The following ITPRID2 variants were observed in gnomAD, a reference collection of about 807,000 sequenced individuals.
The protein encoded by ITPRID2 is protein ITPRID2.
Under a neutral mutation model 124.3 loss-of-function variants are expected in ITPRID2, and 60 were observed. The observed-to-expected ratio is 0.48, with a 90% CI of 0.39 to 0.60. The LOEUF (loss-of-function observed/expected upper bound fraction) is 0.60, where lower values mean the gene tolerates loss of function less well. Ranked by LOEUF, ITPRID2 falls within the 20% of genes least tolerant of loss-of-function variation. The pLI, the probability that ITPRID2 is intolerant of heterozygous loss-of-function variation, is 0.00. For synonymous variants in ITPRID2, 521 were observed against 542.9 expected, an observed-to-expected ratio of 0.96 and a Z score of 0.56; for missense variants, 1,553 against 1,512.2, an observed-to-expected ratio of 1.03 and a Z score of -0.45.
At position 181,896,844 on chromosome 2, in the gene ITPRID2, G is replaced by T. The variant is rs371399357; in HGVS notation, c.308-64G>T. ...TTGCTGGGTGAATTTAACTAAAACA[G>T]TGATTTTATATGAGGGTGGAGAGGA... is the stretch of plus-strand genomic sequence containing the variant. On this transcript the variant is annotated intron_variant, in intron 3 of 17. Transcript: ENST00000431877. The surrounding 1 kb of genome is among the most constrained non-coding windows in gnomAD (Gnocchi z 4.3). 3.1e-6 allele frequency: 4 copies of T among 1,294,696 alleles called. No individual in the cohort carries two copies. Among genetic ancestry groups the T allele is most frequent in the Non-Finnish European group, 4.5e-6 (4 of 897,270 alleles). The allele number at this position is 1,294,696 out of a possible 1,614,324, so 80.2% of individuals were successfully genotyped here.
chr2:181,922,535 T>C, intron 16 of ITPRID2, 123 bp downstream of exon 16: 2 of 978,580 alleles, frequency 2.0e-6, no homozygotes, highest in South Asian at 1.9e-5. Flanking sequence ...TTCACAGAGC[T>C]TTTAAATTAG....
chr2:181,893,343 T>C (rs924497286), intron 2 of ITPRID2: 1 of 152,250 alleles, frequency 6.6e-6, no homozygotes, highest in Non-Finnish European at 1.5e-5. Context: ...TTGTTTCTTA[T>C]TCCACTTTGC....
At chr2:181,917,428 T>C (rs902287963) in intron 11 of ITPRID2, 1 of 152,174 alleles carries the variant, frequency 6.6e-6, no homozygotes, top group Non-Finnish European at 1.5e-5. Context: ...AGAATGTGGG[T>C]GTTTCTTATT....
In ITPRID2 at chr2:181,892,641, A is replaced by T. The variant is rs1296920630; in HGVS notation, c.238A>T (p.Ile80Leu). ...AAACGTGCCCAACGAGAAGATCGCG[A>T]TATGGCTCAAGGACTGCCGGTGAGT... Reference protein sequence around the residue: ...RGNVPNEKIAIWLKDCRTPLG... With the variant: ...RGNVPNEKIALWLKDCRTPLG... Residue 80 changes from isoleucine to leucine, a missense_variant, in exon 2 of 18, where the codon ATA becomes TTA. Coordinates refer to ENST00000431877, the MANE Select transcript of ITPRID2 (RefSeq NM_001130445.3). This position sits in a 1 kb window ranked among gnomAD's most constrained non-coding sequence, Gnocchi z 5.2. 6.2e-7 allele frequency: 1 copy of T among 1,614,016 alleles called. No individual in the cohort carries two copies. The highest frequency in any genetic ancestry group is 2.2e-5 in the East Asian group (1 of 44,848).
intron 11 of ITPRID2, chr2:181,918,392 A>T: frequency 7.4e-7 from 1 of 1,342,752 alleles, no homozygotes; most frequent in Non-Finnish European, 9.5e-7. Flanking sequence ...TCCCACGTAG[A>T]TTGACTTATA....
Position 181,896,183 on chromosome 2 carries a change from T to G in ITPRID2, c.307+104T>G. The G allele has an allele frequency of 2.9e-6, 3 of 1,027,630 alleles. No individual in the cohort carries two copies. The allele number at this position is 1,027,630 out of a possible 1,614,324, so 63.7% of individuals were successfully genotyped here. On this transcript the variant is annotated intron_variant, in intron 3 of 17. Transcript: ENST00000431877. This position sits in a 1 kb window ranked among gnomAD's most constrained non-coding sequence, Gnocchi z 4.3. ...GACTTATAAAAGTGATATTCATGTT[T>G]ATAGTATATGCTATTCTGAGCTAGA...
chr2:181,928,828 G>T lies in ITPRID2; in HGVS notation c.*13+550G>T, dbSNP rs566574775. The stretch of plus-strand genomic sequence containing the variant: ...TTTTTAGTAGAGACGGGGTTTCACC[G>T]TTTTAGCCGGGATGGTCTCGATCTC... On this transcript the variant is annotated intron_variant, in intron 17 of 17. Coordinates refer to ENST00000431877, the MANE Select transcript of ITPRID2 (RefSeq NM_001130445.3). Among the ~76,000 whole-genome samples the T allele has an allele frequency of 4.6e-5, 7 of 151,892 alleles. 1 individual carries two copies. The South Asian group carries it at 1.5e-3, about 32-fold the overall frequency.
intron 14 of ITPRID2, 56 bp from the exon 15 acceptor site, chr2:181,920,541 C>T (rs528431401): frequency 2.6e-6 from 3 of 1,164,292 alleles, no homozygotes; most frequent in East Asian, 4.9e-5. Context: ...ATTATATATG[C>T]ATGTATGTAT....
At chr2:181,925,711 G>C (rs1436389052) in intron 16 of ITPRID2, among the ~76,000 whole-genome samples, 1 of 152,136 alleles carries the variant, frequency 6.6e-6, no homozygotes, top group Admixed American at 6.5e-5. Flanking sequence ...CCTTCCATCT[G>C]ACCTCACCCT....
rs1186279263 is a variant in ITPRID2 at position 181,892,048 on chromosome 2, CG to C, written c.-17del. Reference sequence around the variant, plus strand: ...CTCGCGCAGGGTCCGGCTGGGGTAGCGGAGCCCCCAGTGCGGCCATGGACCG... The same window carrying C: ...CTCGCGCAGGGTCCGGCTGGGGTAGCGAGCCCCCAGTGCGGCCATGGACCG... On this transcript the variant is annotated 5_prime_UTR_variant, in exon 1 of 18. Coordinates refer to ENST00000431877, the MANE Select transcript of ITPRID2 (RefSeq NM_001130445.3). The surrounding 1 kb of genome is among the most constrained non-coding windows in gnomAD (Gnocchi z 5.2). 8 of 1,546,854 alleles carry C rather than the reference CG, an allele frequency of 5.2e-6. No homozygotes were observed. The highest frequency in any genetic ancestry group is 2.0e-5 in the Admixed American group (1 of 50,958).
chr2:181,915,317 A>G lies in ITPRID2; in HGVS notation c.1677A>G (p.Gln559=). The change falls in exon 11 of 18, where the codon CAA becomes CAG. Residue 559 remains glutamine (Q), a synonymous_variant. Coordinates refer to ENST00000431877, the MANE Select transcript of ITPRID2 (RefSeq NM_001130445.3). ...AAGACCTTGCCACACCAACAGCACA[A>G]GACCAGCCTTATTTTAATGAATCAG... ...LGEDLATPTA[Q]DQPYFNESEE... is the part of the protein sequence containing the mutation. 6.2e-7 allele frequency: 1 copy of G among 1,614,256 alleles called. No individual in the cohort carries two copies. Among genetic ancestry groups the G allele is most frequent in the Non-Finnish European group, 8.5e-7 (1 of 1,180,048 alleles).
chr2:181,905,209 C>T lies in ITPRID2; in HGVS notation c.1413+2743C>T, dbSNP rs924036694. Reference sequence around the variant, plus strand: ...GGATTACAGGCACATACCACCACAGCCAGCTAATTTTTTGTATTTTTAGTA... The same window carrying T: ...GGATTACAGGCACATACCACCACAGTCAGCTAATTTTTTGTATTTTTAGTA... On this transcript the variant is annotated intron_variant, in intron 8 of 17. Coordinates refer to ENST00000431877, the MANE Select transcript of ITPRID2 (RefSeq NM_001130445.3). This position sits in a 1 kb window ranked among gnomAD's most constrained non-coding sequence, Gnocchi z 4.1. Among the ~76,000 whole-genome samples the T allele has an allele frequency of 1.3e-5, 2 of 151,876 alleles. No individual in the cohort carries two copies. The highest frequency in any genetic ancestry group is 2.9e-5 in the Non-Finnish European group (2 of 67,980).
rs757319152 is a variant in ITPRID2, at chr2:181,919,455, C to G, written c.3144+9C>G. On this transcript the variant is annotated intron_variant, in intron 14 of 17. Transcript: ENST00000431877. The surrounding 1 kb of genome is among the most constrained non-coding windows in gnomAD (Gnocchi z 4.2). Reference sequence around the variant, plus strand: ...GCTCCTCCGCACTCATGGTACGCTACCTGGAGGGTGGTCGGAGTTTTCACC... The same window carrying G: ...GCTCCTCCGCACTCATGGTACGCTAGCTGGAGGGTGGTCGGAGTTTTCACC... 2 of 1,541,712 alleles carry G rather than the reference C, an allele frequency of 1.3e-6. No homozygotes were observed. Among genetic ancestry groups the G allele is most frequent in the South Asian group, 2.4e-5 (2 of 82,656 alleles).
chr2:181,910,722 A>G lies in ITPRID2; in HGVS notation c.1486+751A>G. 1 of 606,666 alleles carries G rather than the reference A, an allele frequency of 1.6e-6. No individual in the cohort carries two copies. 37.6% of individuals were successfully genotyped at this position (606,666 alleles called of 1,614,324 possible). On this transcript the variant is annotated intron_variant, in intron 9 of 17. Coordinates refer to ENST00000431877, the MANE Select transcript of ITPRID2 (RefSeq NM_001130445.3). This position sits in a 1 kb window ranked among gnomAD's most constrained non-coding sequence, Gnocchi z 4.1. ...CGTATGTATGTTCCTAGAATAGGAA[A>G]TTACATGTTTGTTGTCTCCTGATCT...
At chr2:181,921,576 C>A (rs1485858034) in intron 15 of ITPRID2, among the ~76,000 whole-genome samples, 1 of 152,144 alleles carries the variant, frequency 6.6e-6, no homozygotes, top group African/African-American at 2.4e-5. Flanking sequence ...TGTAACATGA[C>A]CACGTTTTTA....
At position 181,900,926 on chromosome 2, in the gene ITPRID2, C is replaced by G. The variant is rs757938444; in HGVS notation, c.712+22C>G. 8 of 1,552,200 alleles carry G rather than the reference C, an allele frequency of 5.2e-6. No homozygotes were observed. The East Asian group carries it at 1.1e-4, about 22-fold the overall frequency. Reference sequence around the variant, plus strand: ...ACAAGTAAGATTTTTAAGTGTTAGGCATATTATTTTCTTAAATTATAGCAT... The same window carrying G: ...ACAAGTAAGATTTTTAAGTGTTAGGGATATTATTTTCTTAAATTATAGCAT... On this transcript the variant is annotated intron_variant, in intron 7 of 17. Coordinates refer to ENST00000431877, the MANE Select transcript of ITPRID2 (RefSeq NM_001130445.3).
chr2:181,929,401 G>A (rs1204663277), intron 17 of ITPRID2, among the ~76,000 whole-genome samples, 160 bp from the exon 18 acceptor site: 1 of 151,870 alleles, frequency 6.6e-6, no homozygotes, highest in African/African-American at 2.4e-5. Context: ...TTTAAAGCCA[G>A]GGATATAAGA....
chr2:181,902,251 C>CA lies in ITPRID2; in HGVS notation c.1201dup (p.Ser401LysfsTer3). On this transcript the variant is annotated frameshift_variant, in exon 8 of 18. Transcript: ENST00000431877. LOFTEE classifies it high-confidence loss of function. The surrounding 1 kb of genome is among the most constrained non-coding windows in gnomAD (Gnocchi z 4.4). Reference sequence around the variant, plus strand: ...TGAAAATGAACAAAGTAAAGAAACTCAAAGTCATGAGAGTAAACTGGGTGA... The same window carrying CA: ...TGAAAATGAACAAAGTAAAGAAACTCAAAAGTCATGAGAGTAAACTGGGTGA... 1 of 1,612,948 alleles carries CA rather than the reference C, an allele frequency of 6.2e-7. No homozygotes were observed. Among genetic ancestry groups the CA allele is most frequent in the Non-Finnish European group, 8.5e-7 (1 of 1,179,378 alleles).
chr2:181,896,184 A>G lies in ITPRID2; in HGVS notation c.307+105A>G, dbSNP rs1024717334. The G allele has an allele frequency of 1.5e-5, 15 of 1,029,084 alleles. No homozygotes were observed. The highest frequency in any genetic ancestry group is 2.2e-5 in the Non-Finnish European group (15 of 671,760). The allele number at this position is 1,029,084 out of a possible 1,614,324, so 63.7% of individuals were successfully genotyped here. On this transcript the variant is annotated intron_variant, in intron 3 of 17. Transcript: ENST00000431877. The surrounding 1 kb of genome is among the most constrained non-coding windows in gnomAD (Gnocchi z 4.3). The stretch of plus-strand genomic sequence containing the variant: ...ACTTATAAAAGTGATATTCATGTTT[A>G]TAGTATATGCTATTCTGAGCTAGAA...
Sources: gnomAD v4.1 joint callset for allele counts (sites outside exome capture counted in the v4.1 genomes callset) on GRCh38, gnomAD v4.1.1 for gene constraint, Gnocchi (gnomAD v3.1) non-coding constraint, MANE v1.5 for transcripts, NCBI Gene and HGNC (gene_info 2026-07-23, HGNC 2026-07-21) for gene names.